Variants in ALK observed in about 807,000 individuals in gnomAD.
ALK encodes the protein ALK receptor tyrosine kinase.
Under a neutral mutation model 163.1 loss-of-function variants are expected in ALK, and 74 were observed. The ratio of observed to expected loss-of-function variants is 0.45; its 90% CI spans 0.38 to 0.55. The LOEUF (loss-of-function observed/expected upper bound fraction) is 0.55, where lower values mean the gene tolerates loss of function less well. Among genes scored for constraint, ALK ranks in the 20% least tolerant of loss-of-function variants. ALK has a pLI of 0.00. For synonymous variants in ALK, 960 were observed against 843.2 expected (o/e 1.14, Z -2.40); for missense variants, 2,063 against 2,105.3 (o/e 0.98, Z 0.39).
chr2:29,682,274 G>T (rs1047922258), intron 3 of ALK, among the ~76,000 whole-genome samples: 1 of 152,202 alleles, frequency 6.6e-6, no homozygotes, highest in Non-Finnish European at 1.5e-5. Flanking sequence ...TGAGGGCTGG[G>T]CAATTATGGA....
At chr2:29,508,503 A>G (rs1371318103) in intron 4 of ALK, among the ~76,000 whole-genome samples, 1 of 152,048 alleles carries the variant, frequency 6.6e-6, no homozygotes, top group African/African-American at 2.4e-5. Flanking sequence ...CAATGAGAAC[A>G]CATGGACACC....
intron 4 of ALK, among the ~76,000 whole-genome samples, chr2:29,384,556 A>C (rs1404059890): frequency 6.6e-6 from 1 of 152,198 alleles, no homozygotes; most frequent in Non-Finnish European, 1.5e-5. Context: ...GAACACTTTT[A>C]CACCTTGCTC....
chr2:29,740,276 T>C (rs1226957050), intron 1 of ALK, among the ~76,000 whole-genome samples: 1 of 151,666 alleles, frequency 6.6e-6, no homozygotes, highest in Non-Finnish European at 1.5e-5. Flanking sequence ...TTCCATATAG[T>C]AGGAGAGCGG....
At chr2:29,580,280 A>C (rs900688185) in intron 3 of ALK, among the ~76,000 whole-genome samples, 1 of 152,208 alleles carries the variant, frequency 6.6e-6, no homozygotes, top group Admixed American at 6.5e-5. Flanking sequence ...CACTACCTTG[A>C]TAACAGCCTG....
intron 1 of ALK, among the ~76,000 whole-genome samples, chr2:29,789,982 C>T (rs1307281077): frequency 6.6e-6 from 1 of 152,116 alleles, no homozygotes; most frequent in African/African-American, 2.4e-5. Context: ...CATCCTGATC[C>T]CATCCCCAGC....
chr2:29,733,175 C>G (rs1679794218), intron 1 of ALK, among the ~76,000 whole-genome samples: 1 of 152,114 alleles, frequency 6.6e-6, no homozygotes, highest in Non-Finnish European at 1.5e-5. Flanking sequence ...GCACTAGGAA[C>G]AAGAGTAACC....
chr2:29,487,309 G>T (rs1248641580), intron 4 of ALK, among the ~76,000 whole-genome samples: 1 of 152,160 alleles, frequency 6.6e-6, no homozygotes, highest in Non-Finnish European at 1.5e-5. Context: ...GATTGAGCCT[G>T]AGGTGGGAGA....
At chr2:29,497,149 G>A (rs1005498985) in intron 4 of ALK, among the ~76,000 whole-genome samples, 2 of 152,088 alleles carry the variant, frequency 1.3e-5, no homozygotes, top group African/African-American at 2.4e-5. Flanking sequence ...GTGGGCGCCT[G>A]TAATCTCAGC....
chr2:29,570,036 C>A (rs1674310853), intron 3 of ALK, among the ~76,000 whole-genome samples: 1 of 152,124 alleles, frequency 6.6e-6, no homozygotes. Context: ...TGGGGAGTAG[C>A]CTAACACTGT....
At chr2:29,289,493 T>C (rs1665961507) in intron 9 of ALK, among the ~76,000 whole-genome samples, 1 of 152,194 alleles carries the variant, frequency 6.6e-6, no homozygotes, top group Non-Finnish European at 1.5e-5. Flanking sequence ...AGCATGTCAA[T>C]GTCCCCAGCC....
chr2:29,847,290 T>C (rs1397996503), intron 1 of ALK, among the ~76,000 whole-genome samples: 1 of 152,030 alleles, frequency 6.6e-6, no homozygotes. Context: ...AGGGTGGTGG[T>C]AGGGACGTGT....
At chr2:29,461,345 G>A (rs1208179125) in intron 4 of ALK, among the ~76,000 whole-genome samples, 1 of 152,168 alleles carries the variant, frequency 6.6e-6, no homozygotes, top group Non-Finnish European at 1.5e-5. Context: ...TTTCAATATA[G>A]ATTAAAACTT....
intron 1 of ALK, among the ~76,000 whole-genome samples, chr2:29,826,442 T>A (rs573289349): frequency 6.6e-6 from 1 of 150,588 alleles, no homozygotes; most frequent in South Asian, 2.1e-4. Context: ...GCATCACCAG[T>A]TGATTTAAAA....
chr2:29,262,995 G>C (rs759622009), intron 11 of ALK, among the ~76,000 whole-genome samples: 5 of 152,246 alleles, frequency 3.3e-5, no homozygotes, highest in Non-Finnish European at 5.9e-5. Flanking sequence ...GGGCTAATTT[G>C]GTTATTTCTA....
At chr2:29,747,554 A>G (rs1461804912) in intron 1 of ALK, among the ~76,000 whole-genome samples, 1 of 152,156 alleles carries the variant, frequency 6.6e-6, no homozygotes, top group Non-Finnish European at 1.5e-5. Flanking sequence ...CCATCCTGGG[A>G]GACAGGTAGA....
intron 4 of ALK, among the ~76,000 whole-genome samples, chr2:29,444,940 C>T (rs1176596257): frequency 6.6e-6 from 1 of 152,130 alleles, no homozygotes; most frequent in East Asian, 1.9e-4. Context: ...TCAGTTTGGG[C>T]ATCTAGGGGT....
chr2:29,470,617 T>C (rs1671325192), intron 4 of ALK, among the ~76,000 whole-genome samples: 2 of 151,942 alleles, frequency 1.3e-5, no homozygotes, highest in African/African-American at 4.8e-5. Flanking sequence ...CAGCCAAGAA[T>C]TATTTACCCA....
At chr2:29,292,932 G>C (rs564290208) in intron 9 of ALK, among the ~76,000 whole-genome samples, 49 of 152,254 alleles carry the variant, frequency 3.2e-4, no homozygotes, top group African/African-American at 1.1e-3. Flanking sequence ...AATCTGACTA[G>C]AGCCCTTTTC....
At chr2:29,607,461 C>T (rs1675570320) in intron 3 of ALK, among the ~76,000 whole-genome samples, 1 of 152,178 alleles carries the variant, frequency 6.6e-6, no homozygotes, top group South Asian at 2.1e-4. Flanking sequence ...ATATACATTT[C>T]CTCCAATCTC....
Sources: allele counts gnomAD v4.1 joint callset (sites outside exome capture counted in the v4.1 genomes callset), GRCh38; gene constraint gnomAD v4.1.1; transcripts MANE v1.5; gene names NCBI Gene and HGNC (gene_info 2026-07-23, HGNC 2026-07-21).